Variants in NOS3 observed in about 807,000 individuals in gnomAD.
NOS3 encodes NOS type III.
A neutral mutation model predicts 144.9 loss-of-function variants in NOS3; 98 were observed. That is an observed-to-expected ratio of 0.68 (90% CI 0.57 to 0.80). NOS3 has a LOEUF of 0.80. Ranked by LOEUF, NOS3 falls within the 30% of genes least tolerant of loss-of-function variation. The pLI, the probability that NOS3 is intolerant of heterozygous loss-of-function variation, is 0.00. For missense variants in NOS3, 1,465 were observed against 1,656.4 expected (o/e 0.88, Z 2.01); for synonymous variants, 714 against 702.4 (o/e 1.02, Z -0.26).
chr7:151,012,630 G>C (rs556596231), intron 24 of NOS3, 158 bp downstream of exon 24: 18 of 831,390 alleles, frequency 2.2e-5, no homozygotes, highest in Non-Finnish European at 2.9e-5. Context: ...AGGTACCAAA[G>C]GCAAGGGCTG....
In NOS3 at chr7:151,009,184, C is replaced by T. The variant is rs1274061650; in HGVS notation, c.2246-5C>T. On this transcript the variant is annotated splice_polypyrimidine_tract_variant and splice_region_variant and intron_variant, in intron 18 of 26. Coordinates refer to ENST00000297494, the MANE Select transcript of NOS3 (RefSeq NM_000603.5). ...GCTGCCTCATTTGCCCCTCCCCGCC[C>T]CCAGGTCTGATCCACGTGCACAGGC... is the stretch of plus-strand genomic sequence containing the variant. The T allele has an allele frequency of 2.5e-6, 4 of 1,613,960 alleles. No individual in the cohort carries two copies. Among genetic ancestry groups the T allele is most frequent in the Non-Finnish European group, 3.4e-6 (4 of 1,179,900 alleles).
In NOS3 at chr7:151,001,417, C is replaced by T. The variant is rs145805216; in HGVS notation, c.1420C>T (p.Arg474Cys). The T allele has an allele frequency of 3.1e-5, 49 of 1,586,988 alleles. No individual in the cohort carries two copies. The highest frequency in any genetic ancestry group is 3.4e-4 in the Middle Eastern group (2 of 5,918). ...CAACTATTTCCTGTCCCCGGCCTTC[C>T]GCTACCAGGTGCCCACCCTAACTGG... is the stretch of plus-strand genomic sequence containing the variant. Reference protein sequence around the residue: ...MVNYFLSPAFRYQPDPWKGSA... With the variant: ...MVNYFLSPAFCYQPDPWKGSA... Residue 474 changes from arginine (R) to cysteine (C), a missense_variant, in exon 11 of 27, where the codon CGC becomes TGC. By Grantham distance (180) the Arg-to-Cys change is radical. Transcript: ENST00000297494.
Position 150,993,878 on chromosome 7 carries a change from G to A in NOS3, c.75G>A (p.Leu25=). ...CGLGLGLGLG[L]CGKQGPATPA... is the part of the protein sequence containing the mutation. ...TGGGGCTGGGGCTGGGCCTTGGGCTGTGCGGCAAGCAGGGCCCAGCCACCC... is the reference window on the plus strand; with the variant it reads ...TGGGGCTGGGGCTGGGCCTTGGGCTATGCGGCAAGCAGGGCCCAGCCACCC... Residue 25 remains leucine, a synonymous_variant, in exon 2 of 27, where the codon CTG becomes CTA. Coordinates refer to ENST00000297494, the MANE Select transcript of NOS3 (RefSeq NM_000603.5). This position sits in a 1 kb window ranked among gnomAD's most constrained non-coding sequence, Gnocchi z 4.0. 1 of 1,604,198 alleles carries A rather than the reference G, an allele frequency of 6.2e-7. No homozygotes were observed. The highest frequency in any genetic ancestry group is 8.5e-7 in the Non-Finnish European group (1 of 1,176,806).
In NOS3 at chr7:151,001,900, A is replaced by G. The variant is rs1191569092; in HGVS notation, c.1582A>G (p.Thr528Ala). 1 of 1,613,480 alleles carries G rather than the reference A, an allele frequency of 6.2e-7. No individual in the cohort carries two copies. The highest frequency in any genetic ancestry group is 8.5e-7 in the Non-Finnish European group (1 of 1,180,010). Reference protein sequence around the residue: ...VKATILYGSETGRAQSYAQQL... With the variant: ...VKATILYGSEAGRAQSYAQQL... Reference sequence around the variant, plus strand: ...GGCGACAATCCTGTATGGCTCCGAGACCGGCCGGGCCCAGAGCTACGCACA... The same window carrying G: ...GGCGACAATCCTGTATGGCTCCGAGGCCGGCCGGGCCCAGAGCTACGCACA... Residue 528 changes from threonine (T) to alanine (A), a missense_variant, in exon 13 of 27, where the codon ACC (threonine) becomes GCC (alanine). Physicochemically the swap from Thr to Ala is moderately conservative, Grantham distance 58. This residue lies in a region of NOS3 where 745 missense variants were observed against 853.9 expected (regional missense o/e 0.87). Transcript: ENST00000297494.
At position 150,998,602 on chromosome 7, in the gene NOS3, C is replaced by A; in HGVS notation, c.738C>A (p.Ser246Arg). The change falls in exon 7 of 27, where the codon AGC becomes AGA. Residue 246 changes from serine (S) to arginine (R), a missense_variant. Ser to Arg is a moderately radical substitution (Grantham distance 110, BLOSUM62 -1). Around this residue, in one of 5 missense-constraint regions of NOS3, gnomAD observed 374 missense variants for 377.0 expected, o/e 0.99. Coordinates refer to ENST00000297494, the MANE Select transcript of NOS3 (RefSeq NM_000603.5). The surrounding 1 kb of genome is among the most constrained non-coding windows in gnomAD (Gnocchi z 5.0). ...PGRGDFRIWN[S>R]QLVRYAGYRQ... ...GAGGAGACTTCCGAATCTGGAACAG[C>A]CAGCTGGTGCGCTACGCGGGCTACC... 6.2e-7 allele frequency: 1 copy of A among 1,608,680 alleles called. No individual in the cohort carries two copies.
Position 150,998,804 on chromosome 7 carries a change from C to T in NOS3, c.816+124C>T. 1.4e-6 allele frequency: 2 copies of T among 1,463,432 alleles called. No homozygotes were observed. 90.7% of individuals were successfully genotyped at this position (1,463,432 alleles called of 1,614,324 possible). ...TCGGTGAGATAAAGGATGAAAAACA[C>T]CAAAGGAGGGGTGCCTGGGTGGTCA... is the stretch of plus-strand genomic sequence containing the variant. On this transcript the variant is annotated intron_variant, in intron 7 of 26. Transcript: ENST00000297494. The surrounding 1 kb of genome is among the most constrained non-coding windows in gnomAD (Gnocchi z 5.0).
chr7:150,998,222 G>A lies in NOS3; in HGVS notation c.583-135G>A. On this transcript the variant is annotated intron_variant, in intron 5 of 26. Coordinates refer to ENST00000297494, the MANE Select transcript of NOS3 (RefSeq NM_000603.5). The surrounding 1 kb of genome is among the most constrained non-coding windows in gnomAD (Gnocchi z 5.0). ...AGCAGGGCAGGAAGGGATCAGTGTG[G>A]CTGCCAATGGTCAGGAGGGCGCCAT... is the stretch of plus-strand genomic sequence containing the variant. 1.4e-6 allele frequency: 1 copy of A among 707,860 alleles called. No homozygotes were observed. The highest frequency in any genetic ancestry group is 2.4e-6 in the Non-Finnish European group (1 of 419,978). 43.8% of individuals were successfully genotyped at this position (707,860 alleles called of 1,614,324 possible).
rs145039520 is a variant in NOS3, at chr7:151,002,710, A to G, written c.1752+406A>G. On this transcript the variant is annotated intron_variant, in intron 14 of 26. Coordinates refer to ENST00000297494, the MANE Select transcript of NOS3 (RefSeq NM_000603.5). The surrounding 1 kb of genome is among the most constrained non-coding windows in gnomAD (Gnocchi z 4.1). ...TGAGGGCGGCTTCTAGGATGCGGGT[A>G]ATGTTTCTTAATGGGATACTGGTTA... is the stretch of plus-strand genomic sequence containing the variant. The G allele has an allele frequency of 0.011, 2,393 of 213,366 alleles. 58 individuals are homozygous for G. Among genetic ancestry groups the G allele is most frequent in the African/African-American group, 0.051 (2,191 of 42,832 alleles). 13.2% of individuals were successfully genotyped at this position (213,366 alleles called of 1,614,324 possible).
chr7:150,998,253 G>T lies in NOS3; in HGVS notation c.583-104G>T. ...AATGGTCAGGAGGGCGCCATGGAGT[G>T]AACCATGGCCCCTGCCTCCTCACCA... On this transcript the variant is annotated intron_variant, in intron 5 of 26. Coordinates refer to ENST00000297494, the MANE Select transcript of NOS3 (RefSeq NM_000603.5). The surrounding 1 kb of genome is among the most constrained non-coding windows in gnomAD (Gnocchi z 5.0). The T allele has an allele frequency of 1.0e-6, 1 of 994,634 alleles. No homozygotes were observed. 61.6% of individuals were successfully genotyped at this position (994,634 alleles called of 1,614,324 possible). A position where few individuals can be genotyped will look rare whatever the true frequency, so the allele number is the denominator to read the frequency against.
Position 150,993,375 on chromosome 7 carries a change from C to A in NOS3, c.-51-378C>A, listed in dbSNP as rs1802295510. Among the ~76,000 whole-genome samples the A allele has an allele frequency of 6.6e-6, 1 of 152,168 alleles. No homozygotes were observed. Among genetic ancestry groups the A allele is most frequent in the Non-Finnish European group, 1.5e-5 (1 of 68,016 alleles). On this transcript the variant is annotated intron_variant, in intron 1 of 26. Transcript: ENST00000297494. The surrounding 1 kb of genome is among the most constrained non-coding windows in gnomAD (Gnocchi z 4.0). ...TCCCCTGCTACAGAAACGGTGCTCA[C>A]CTTCTGCCCAACCCTCCAGGGAAAG...
In NOS3 at chr7:151,010,638, C is replaced by T. The variant is rs764019698; in HGVS notation, c.2727C>T (p.Pro909=). Residue 909 remains proline (P), a synonymous_variant, in exon 22 of 27, where the codon CCC becomes CCT. Coordinates refer to ENST00000297494, the MANE Select transcript of NOS3 (RefSeq NM_000603.5). ...RYEEWKWFRC[P]TLLEVLEQFP... ...AGGAGTGGAAGTGGTTCCGCTGCCC[C>T]ACGCTGCTGGAGGTGCTGGAGCAGT... The T allele has an allele frequency of 1.2e-6, 2 of 1,605,498 alleles. No individual in the cohort carries two copies. The highest frequency in any genetic ancestry group is 2.7e-5 in the African/African-American group (2 of 74,856).
rs1028316514 is a variant in NOS3 at position 150,993,708 on chromosome 7, C to A, written c.-51-45C>A. ...GGGGCGAGGGCCAGCACTGGAGAGC[C>A]CCCTCCCACTGCCCCCTCCTCTCGG... On this transcript the variant is annotated intron_variant, in intron 1 of 26. Transcript: ENST00000297494. The surrounding 1 kb of genome is among the most constrained non-coding windows in gnomAD (Gnocchi z 4.0). 7.1e-6 allele frequency: 9 copies of A among 1,273,956 alleles called. No individual in the cohort carries two copies. Among genetic ancestry groups the A allele is most frequent in the South Asian group, 1.5e-5 (1 of 67,510 alleles). The allele number at this position is 1,273,956 out of a possible 1,614,324, so 78.9% of individuals were successfully genotyped here.
chr7:151,011,049 A>G, intron 23 of NOS3, 63 bp downstream of exon 23: 1 of 1,155,614 alleles, frequency 8.7e-7, no homozygotes, highest in Non-Finnish European at 1.3e-6. Flanking sequence ...TTTGGTGAGG[A>G]GTGTCACTGG....
intron 20 of NOS3, 113 bp from the exon 21 acceptor site, chr7:151,010,002 G>T (rs546660169): frequency 5.6e-6 from 4 of 708,468 alleles, no homozygotes; most frequent in African/African-American, 1.8e-5. Flanking sequence ...TAGACAGGCC[G>T]ACCCCGCTGC....
Position 151,002,167 on chromosome 7 carries a change from C to T in NOS3, c.1648-33C>T, listed in dbSNP as rs756015228. ...AGGAGGGCAGGGCCTCCGGGGGCCA[C>T]AGCACCCAGGACATCTGTCTTCCCA... On this transcript the variant is annotated intron_variant, in intron 13 of 26. Coordinates refer to ENST00000297494, the MANE Select transcript of NOS3 (RefSeq NM_000603.5). The surrounding 1 kb of genome is among the most constrained non-coding windows in gnomAD (Gnocchi z 4.1). 4.7e-6 allele frequency: 7 copies of T among 1,482,574 alleles called. No individual in the cohort carries two copies. Among genetic ancestry groups the T allele is most frequent in the Non-Finnish European group, 6.5e-6 (7 of 1,076,504 alleles). 91.8% of individuals were successfully genotyped at this position (1,482,574 alleles called of 1,614,324 possible).
At position 151,009,512 on chromosome 7, in the gene NOS3, G is replaced by A; in HGVS notation, c.2439G>A (p.Leu813=). 1.3e-6 allele frequency: 2 copies of A among 1,546,906 alleles called. No individual in the cohort carries two copies. Among genetic ancestry groups the A allele is most frequent in the Non-Finnish European group, 8.7e-7 (1 of 1,146,354 alleles). ...ACCGGCCCGGCCTTGTGGAGGCGCTGCTGAGCCGCGTGGAGGACCCGCCGG... is the reference window on the plus strand; with the variant it reads ...ACCGGCCCGGCCTTGTGGAGGCGCTACTGAGCCGCGTGGAGGACCCGCCGG... ...PPNRPGLVEA[L]LSRVEDPPAP... is the part of the protein sequence containing the mutation. The change falls in exon 20 of 27, where the codon CTG becomes CTA. Residue 813 remains leucine (L), a synonymous_variant. Coordinates refer to ENST00000297494, the MANE Select transcript of NOS3 (RefSeq NM_000603.5).
At position 150,998,512 on chromosome 7, in the gene NOS3, G is replaced by C. The variant is rs1408445874; in HGVS notation, c.675-27G>C. On this transcript the variant is annotated intron_variant, in intron 6 of 26. Transcript: ENST00000297494. The surrounding 1 kb of genome is among the most constrained non-coding windows in gnomAD (Gnocchi z 5.0). ...CCCAAGGCAGGGAAGGCGGGGCTCT[G>C]ACCAGCTCTTTCCCCATGCGTGCCA... is the stretch of plus-strand genomic sequence containing the variant. The C allele has an allele frequency of 2.5e-6, 4 of 1,611,052 alleles. No individual in the cohort carries two copies. The Admixed American group carries it at 5.0e-5, about 20-fold the overall frequency.
rs1795213958 is a variant in NOS3, at chr7:151,006,873, T to A, written c.1821-16T>A. 1 of 1,600,288 alleles carries A rather than the reference T, an allele frequency of 6.2e-7. No individual in the cohort carries two copies. Among genetic ancestry groups the A allele is most frequent in the East Asian group, 2.2e-5 (1 of 44,788 alleles). On this transcript the variant is annotated splice_polypyrimidine_tract_variant and intron_variant, in intron 15 of 26. Transcript: ENST00000297494. ...CAGGGCCCTGTGACAACCTTGTCTTTGTCCTCTCTTGCCAGGAGTTATAAG... is the reference window on the plus strand; with the variant it reads ...CAGGGCCCTGTGACAACCTTGTCTTAGTCCTCTCTTGCCAGGAGTTATAAG...
At chr7:151,000,246 A>G (rs1027711206) in intron 9 of NOS3, among the ~76,000 whole-genome samples, 1 of 151,932 alleles carries the variant, frequency 6.6e-6, no homozygotes, top group African/African-American at 2.4e-5. Context: ...TTGACTCGGC[A>G]AAGGTTAAGA....
Sources: gnomAD v4.1 joint callset for allele counts (sites outside exome capture counted in the v4.1 genomes callset) on GRCh38, gnomAD v4.1.1 for gene constraint, gnomAD v4.1.1 regional missense constraint, Gnocchi (gnomAD v3.1) non-coding constraint, MANE v1.5 for transcripts, NCBI Gene and HGNC (gene_info 2026-07-23, HGNC 2026-07-21) for gene names.